The following GPRC5A variants were observed in gnomAD, a reference collection of about 807,000 sequenced individuals.
The protein encoded by GPRC5A is retinoic acid-induced protein 3.
A neutral mutation model predicts 22.5 loss-of-function variants in GPRC5A; 19 were observed. That is an observed-to-expected ratio of 0.85 (90% CI 0.59 to 1.24). The LOEUF (loss-of-function observed/expected upper bound fraction) is 1.24. GPRC5A is among the 50% of genes most tolerant of loss of function. GPRC5A has a pLI of 0.00. For synonymous variants in GPRC5A, 192 were observed against 184.5 expected (o/e 1.04, Z -0.33); for missense variants, 471 against 451.1 (o/e 1.04, Z -0.40).
chr12:12,894,842 G>A (rs1000455434), intron 1 of GPRC5A, among the ~76,000 whole-genome samples: 1 of 139,984 alleles, frequency 7.1e-6, no homozygotes, highest in African/African-American at 2.7e-5. Flanking sequence ...GCAGTGGTGC[G>A]ATCACGGCTC....
At chr12:12,902,037 A>G (rs890014640) in intron 1 of GPRC5A, among the ~76,000 whole-genome samples, 1 of 152,068 alleles carries the variant, frequency 6.6e-6, no homozygotes, top group African/African-American at 2.4e-5. Flanking sequence ...TTCCCTCTCA[A>G]ATGCTGCTTT....
intron 1 of GPRC5A, among the ~76,000 whole-genome samples, chr12:12,896,753 G>C (rs1565462736): frequency 6.6e-6 from 1 of 152,072 alleles, no homozygotes; most frequent in South Asian, 2.1e-4. Context: ...GGCCAGGCAC[G>C]GTGCCTCACG....
chr12:12,892,293 T>G (rs371613070), intron 1 of GPRC5A, among the ~76,000 whole-genome samples: 4 of 152,290 alleles, frequency 2.6e-5, no homozygotes, highest in African/African-American at 9.6e-5. Context: ...ACCGACTTTA[T>G]GGATAGGATT....
chr12:12,910,561 C>T (rs1265351183), intron 2 of GPRC5A, among the ~76,000 whole-genome samples: 2 of 152,222 alleles, frequency 1.3e-5, no homozygotes, highest in Non-Finnish European at 2.9e-5. Flanking sequence ...AACCAACAAC[C>T]TCTGAAGCTT....
In GPRC5A at chr12:12,900,923, A is replaced by AAAAC. The variant is rs1555104732; in HGVS notation, c.-7-7319_-7-7318insAACA. ...AAAAAAAAAAAAAAAACAAAAAAAA[A>AAAAC]ACAACCCAGAAAAACCCAAAAAACA... On this transcript the variant is annotated intron_variant, in intron 1 of 3. Transcript: ENST00000014914. Among the ~76,000 whole-genome samples, 723 of 109,730 alleles carry AAAAC rather than the reference A, an allele frequency of 6.6e-3. 85 individuals carry two copies. The highest frequency in any genetic ancestry group is 0.016 in the East Asian group (38 of 2,440). The allele number at this position is 109,730 out of a possible 152,430, so 72.0% of individuals were successfully genotyped here.
chr12:12,899,217 T>A (rs1207536433), intron 1 of GPRC5A, among the ~76,000 whole-genome samples: 1 of 152,130 alleles, frequency 6.6e-6, no homozygotes, highest in African/African-American at 2.4e-5. Flanking sequence ...AATTTCTTTT[T>A]GTACAGCGGG....
Position 12,897,685 on chromosome 12 carries a change from T to C in GPRC5A, c.-8+6021T>C, listed in dbSNP as rs559249749. On this transcript the variant is annotated intron_variant, in intron 1 of 3. Coordinates refer to ENST00000014914, the MANE Select transcript of GPRC5A (RefSeq NM_003979.4). ...GTGTAGTGGCGTGATCTCAGCTCAT[T>C]GCAGCCTCTGCCTCCTGGGTTCAAG... Among the ~76,000 whole-genome samples, 4 of 151,636 alleles carry C rather than the reference T, an allele frequency of 2.6e-5. No homozygotes were observed. The South Asian group carries it at 8.4e-4, about 32-fold the overall frequency.
chr12:12,903,239 C>T (rs946754105), intron 1 of GPRC5A, among the ~76,000 whole-genome samples: 1 of 151,848 alleles, frequency 6.6e-6, no homozygotes, highest in Non-Finnish European at 1.5e-5. Flanking sequence ...ACATGGGACT[C>T]CATTATAAAA....
intron 1 of GPRC5A, among the ~76,000 whole-genome samples, chr12:12,897,204 G>A (rs944418361): frequency 1.5e-5 from 2 of 131,416 alleles, no homozygotes; most frequent in African/African-American, 2.8e-5. Context: ...TCCCAGGCTG[G>A]AGTACAGAGC....
chr12:12,908,769 A>T lies in GPRC5A; in HGVS notation c.520A>T (p.Asn174Tyr), dbSNP rs760953581. The change falls in exon 2 of 4, where the codon AAT (asparagine) becomes TAT (tyrosine). Residue 174 changes from asparagine to tyrosine, a missense_variant. Asn to Tyr is a moderately radical substitution (Grantham distance 143). Coordinates refer to ENST00000014914, the MANE Select transcript of GPRC5A (RefSeq NM_003979.4). ...TTCTGAGCTTTCCGCTCCTCGTCGC[A>T]ATGAAGACTTTGTCCTCCTGCTCAC... is the stretch of plus-strand genomic sequence containing the variant. The part of the protein sequence containing the change: ...VFSELSAPRR[N>Y]EDFVLLLTYV... 4 of 1,614,070 alleles carry T rather than the reference A, an allele frequency of 2.5e-6. No individual in the cohort carries two copies. Among genetic ancestry groups the T allele is most frequent in the Non-Finnish European group, 3.4e-6 (4 of 1,180,052 alleles).
intron 1 of GPRC5A, among the ~76,000 whole-genome samples, chr12:12,905,147 A>T (rs890509127): frequency 6.6e-6 from 1 of 152,144 alleles, no homozygotes; most frequent in African/African-American, 2.4e-5. Flanking sequence ...GGCCTCCCAA[A>T]GTGCTGGAAT....
chr12:12,894,310 T>A (rs1461000832), intron 1 of GPRC5A, among the ~76,000 whole-genome samples: 1 of 152,236 alleles, frequency 6.6e-6, no homozygotes, highest in Non-Finnish European at 1.5e-5. Flanking sequence ...TACCATGTTC[T>A]TATTCATATT....
At chr12:12,907,274 G>A (rs1863951908) in intron 1 of GPRC5A, among the ~76,000 whole-genome samples, 1 of 151,566 alleles carries the variant, frequency 6.6e-6, no homozygotes, top group African/African-American at 2.4e-5. Context: ...GGTGGCACAT[G>A]CCTGTAGTAC....
At chr12:12,909,504 C>T (rs778116226) in intron 2 of GPRC5A, 36 of 216,374 alleles carry the variant, frequency 1.7e-4, no homozygotes, top group Middle Eastern at 3.1e-3. Flanking sequence ...GCAGCAAAGA[C>T]ATGGAAAAAG....
intron 1 of GPRC5A, among the ~76,000 whole-genome samples, chr12:12,898,216 T>C (rs1007820651): frequency 6.6e-6 from 1 of 152,168 alleles, no homozygotes; most frequent in African/African-American, 2.4e-5. Context: ...GGCATAATAA[T>C]AGGGTTGTTG....
At chr12:12,900,672 C>CAG (rs1863873345) in intron 1 of GPRC5A, among the ~76,000 whole-genome samples, 1 of 151,936 alleles carries the variant, frequency 6.6e-6, no homozygotes, top group Non-Finnish European at 1.5e-5. Flanking sequence ...CCGAGGCGGG[C>CAG]CTGAGGTCGG....
Position 12,915,627 on chromosome 12 carries a change from C to T in GPRC5A, c.*3088C>T, listed in dbSNP as rs1864056151. On this transcript the variant is annotated 3_prime_UTR_variant, in exon 4 of 4. Transcript: ENST00000014914. ...TCTCCTTCTTCCTTCTCCTCCTTCTCCTCCTCCTCCTCCTCCACCATGCCC... is the reference window on the plus strand; with the variant it reads ...TCTCCTTCTTCCTTCTCCTCCTTCTTCTCCTCCTCCTCCTCCACCATGCCC... 1.2e-5 allele frequency: 2 copies of T among 173,012 alleles called. No individual in the cohort carries two copies. The highest frequency in any genetic ancestry group is 9.6e-5 in the South Asian group (1 of 10,456). The allele number at this position is 173,012 out of a possible 1,614,324, so 10.7% of individuals were successfully genotyped here. A position where few individuals can be genotyped will look rare whatever the true frequency, so the allele number is the denominator to read the frequency against.
At chr12:12,897,633 A>T (rs373912690) in intron 1 of GPRC5A, among the ~76,000 whole-genome samples, 3 of 142,384 alleles carry the variant, frequency 2.1e-5, no homozygotes, top group African/African-American at 7.8e-5. Context: ...TTTTGAGACC[A>T]TGTCTCACTC....
intron 1 of GPRC5A, chr12:12,892,152 G>A (rs1863766948): frequency 6.6e-6 from 1 of 152,258 alleles, no homozygotes; most frequent in Admixed American, 6.5e-5. Flanking sequence ...TGAGTTTTGG[G>A]AATTAGATCT....
Sources: allele counts gnomAD v4.1 joint callset (sites outside exome capture counted in the v4.1 genomes callset), GRCh38; gene constraint gnomAD v4.1.1; transcripts MANE v1.5; gene names NCBI Gene and HGNC (gene_info 2026-07-23, HGNC 2026-07-21).